Variants in MAK observed in about 807,000 individuals in gnomAD.
The protein encoded by MAK is serine/threonine-protein kinase MAK.
A neutral mutation model predicts 82.6 loss-of-function variants in MAK; 65 were observed. The ratio of observed to expected loss-of-function variants is 0.79; its 90% CI spans 0.64 to 0.97. The LOEUF (loss-of-function observed/expected upper bound fraction) is 0.97, where lower values mean the gene tolerates loss of function less well. Ranked by LOEUF, MAK falls within the 50% of genes least tolerant of loss-of-function variation. MAK has a pLI of 0.00. For synonymous variants in MAK, 250 were observed against 274.2 expected (o/e 0.91, Z 0.87); for missense variants, 703 against 780.2 (o/e 0.90, Z 1.18).
intron 11 of MAK, chr6:10,780,343 C>T: frequency 1.8e-6 from 1 of 567,828 alleles, no homozygotes; most frequent in East Asian, 1.4e-4. Flanking sequence ...GGTGCTTTGG[C>T]TCAAAGGATA....
At chr6:10,795,313 G>A (rs1255647486) in intron 9 of MAK, among the ~76,000 whole-genome samples, 1 of 151,456 alleles carries the variant, frequency 6.6e-6, no homozygotes, top group Non-Finnish European at 1.5e-5. Flanking sequence ...GTGGTGGTGG[G>A]TGCCTATAAT....
intron 10 of MAK, among the ~76,000 whole-genome samples, chr6:10,788,532 G>A (rs1774793867): frequency 6.6e-6 from 1 of 152,184 alleles, no homozygotes; most frequent in African/African-American, 2.4e-5. Context: ...AGGAGTTCAA[G>A]ACTAGCCTGG....
In MAK at chr6:10,793,122, G is replaced by T. The variant is rs1401231058; in HGVS notation, c.1144-1275C>A. Among the ~76,000 whole-genome samples the T allele has an allele frequency of 6.6e-6, 1 of 152,190 alleles. No individual in the cohort carries two copies. Among genetic ancestry groups the T allele is most frequent in the Non-Finnish European group, 1.5e-5 (1 of 68,036 alleles). ...AAGTTTGGTAGAGGATGAGGGCAAA[G>T]ATTCTAAAATCAATTATTAAAGGGG... On this transcript the variant is annotated intron_variant, in intron 9 of 14. Transcript: ENST00000354489. The surrounding 1 kb of genome is among the most constrained non-coding windows in gnomAD (Gnocchi z 4.6).
At chr6:10,813,136 A>ATTT (rs869114611) in intron 5 of MAK, among the ~76,000 whole-genome samples, 10 of 728 alleles carry the variant, frequency 0.014, 3 homozygotes, top group African/African-American at 0.016. Context: ...ATATATATAA[A>ATTT]TTTTTTTTTT....
rs556376715 is a variant in MAK, at chr6:10,784,644, G to A, written c.1317-72C>T. ...ATCTCGCCCACCCTCTGCACATCTC[G>A]CCCACCCTCTGCACATCTTCCTAAG... On this transcript the variant is annotated intron_variant, in intron 10 of 14. Coordinates refer to ENST00000354489, the MANE Select transcript of MAK (RefSeq NM_001242957.3). 2.0e-5 allele frequency: 27 copies of A among 1,376,128 alleles called. No homozygotes were observed. The African/African-American group carries it at 2.3e-4, about 12-fold the overall frequency. 85.2% of individuals were successfully genotyped at this position (1,376,128 alleles called of 1,614,324 possible).
intron 2 of MAK, among the ~76,000 whole-genome samples, chr6:10,823,673 G>GCACACACGAC (rs1220790348): frequency 2.0e-5 from 3 of 152,204 alleles, no homozygotes; most frequent in East Asian, 1.9e-4. Flanking sequence ...GGGATTACAG[G>GCACACACGAC]CACACACGAC....
chr6:10,781,581 G>A (rs756010073), intron 11 of MAK, among the ~76,000 whole-genome samples: 19 of 151,638 alleles, frequency 1.3e-4, no homozygotes, highest in African/African-American at 2.4e-4. Context: ...CCAACACCAC[G>A]CCCGGCTAAT....
At chr6:10,807,486 C>T (rs1023981237) in intron 6 of MAK, among the ~76,000 whole-genome samples, 14 of 151,584 alleles carry the variant, frequency 9.2e-5, no homozygotes, top group Non-Finnish European at 1.9e-4. Flanking sequence ...GGCACCAAGG[C>T]GCGTGACACC....
chr6:10,780,462 T>TC (rs1333159674), intron 11 of MAK, among the ~76,000 whole-genome samples: 1 of 150,244 alleles, frequency 6.7e-6, no homozygotes, highest in African/African-American at 2.5e-5. Flanking sequence ...GGTTTTTTTT[T>TC]TTTTTTTTTT....
At chr6:10,784,927 A>G (rs1292316787) in intron 10 of MAK, 1 of 477,692 alleles carries the variant, frequency 2.1e-6, no homozygotes, top group South Asian at 1.5e-5. Context: ...CCTGTTGACT[A>G]AAATAATTTA....
chr6:10,782,202 T>TCTCA (rs1282004841), intron 11 of MAK, among the ~76,000 whole-genome samples: 41 of 146,152 alleles, frequency 2.8e-4, no homozygotes, highest in African/African-American at 8.1e-4. Flanking sequence ...TGAAACTCTG[T>TCTCA]CACACACACA....
intron 10 of MAK, 36 bp downstream of exon 10, chr6:10,791,639 G>T: frequency 6.3e-7 from 1 of 1,588,806 alleles, no homozygotes; most frequent in Non-Finnish European, 8.6e-7. Flanking sequence ...GTTAATGCAT[G>T]GCAAAAATAT....
intron 11 of MAK, among the ~76,000 whole-genome samples, chr6:10,777,251 A>G (rs951021393): frequency 6.6e-6 from 1 of 151,998 alleles, no homozygotes; most frequent in African/African-American, 2.4e-5. Context: ...TACTAAAAGA[A>G]TACAAAAAAA....
In MAK at chr6:10,782,112, C is replaced by T. The variant is rs540341655; in HGVS notation, c.1465+2312G>A. ...ATTCCAGCTACTTGGGAGGCTGAGGCAGGAGAATCGCTTCAACCCAGGAGG... is the reference window on the plus strand; with the variant it reads ...ATTCCAGCTACTTGGGAGGCTGAGGTAGGAGAATCGCTTCAACCCAGGAGG... On this transcript the variant is annotated intron_variant, in intron 11 of 14. Transcript: ENST00000354489. Among the ~76,000 whole-genome samples, 190 of 151,834 alleles carry T rather than the reference C, an allele frequency of 1.3e-3. No homozygotes were observed. In the Middle Eastern group the frequency reaches 0.024, roughly 19 times the overall value.
intron 14 of MAK, among the ~76,000 whole-genome samples, chr6:10,765,077 CAAG>C (rs1561923403): frequency 7.2e-6 from 1 of 138,836 alleles, no homozygotes; most frequent in African/African-American, 2.7e-5. Context: ...GCCTGGGCGA[CAAG>C]AGTGAAACTC....
At chr6:10,790,793 C>T (rs1338486650) in intron 10 of MAK, among the ~76,000 whole-genome samples, 3 of 152,136 alleles carry the variant, frequency 2.0e-5, no homozygotes, top group Non-Finnish European at 1.5e-5. Flanking sequence ...AATGTAATCC[C>T]CAGTTTTGAG....
At chr6:10,830,465 T>C in intron 2 of MAK, 83 bp downstream of exon 2, 2 of 1,170,584 alleles carry the variant, frequency 1.7e-6, no homozygotes, top group Non-Finnish European at 2.6e-6. Context: ...CGCTGGCCTG[T>C]GCTGGTATAT....
chr6:10,836,453 G>A (rs1475353650), intron 1 of MAK, among the ~76,000 whole-genome samples: 2 of 152,220 alleles, frequency 1.3e-5, no homozygotes, highest in Non-Finnish European at 2.9e-5. Flanking sequence ...AGACATCAAG[G>A]TAAAGCTTTT....
chr6:10,833,140 A>C (rs1159414153), intron 1 of MAK, among the ~76,000 whole-genome samples: 1 of 152,240 alleles, frequency 6.6e-6, no homozygotes, highest in Non-Finnish European at 1.5e-5. Flanking sequence ...AGGGCACGTT[A>C]TAGTTGTCAA....
Sources: allele counts gnomAD v4.1 joint callset (sites outside exome capture counted in the v4.1 genomes callset), GRCh38; gene constraint gnomAD v4.1.1; non-coding constraint Gnocchi (gnomAD v3.1); transcripts MANE v1.5; gene names NCBI Gene and HGNC (gene_info 2026-07-23, HGNC 2026-07-21).